HIC1: variants seen among roughly 807,000 people sequenced by gnomAD.
HIC1 encodes the protein hypermethylated in cancer 1 protein.
Under a neutral mutation model 26.4 loss-of-function variants are expected in HIC1, and 9 were observed. The ratio of observed to expected loss-of-function variants is 0.34; its 90% CI spans 0.21 to 0.59. The LOEUF is 0.59. Among genes scored for constraint, HIC1 ranks in the 20% least tolerant of loss-of-function variants. HIC1 has a pLI of 0.82. For missense variants in HIC1, 965 were observed against 1,075.7 expected (o/e 0.90, Z 1.44); for synonymous variants, 631 against 523.1 (o/e 1.21, Z -2.81).
In HIC1 at chr17:2,058,627, A is replaced by G. The variant is rs1293622520; in HGVS notation, c.1937A>G (p.Gln646Arg). The G allele has an allele frequency of 6.4e-7, 1 of 1,564,702 alleles. No individual in the cohort carries two copies. The highest frequency in any genetic ancestry group is 2.4e-5 in the East Asian group (1 of 41,266). The change falls in exon 2 of 2, where the codon CAG becomes CGG. Residue 646 changes from glutamine (Q) to arginine (R), a missense_variant. Around this residue, in one of 6 missense-constraint regions of HIC1, gnomAD observed 210 missense variants for 179.2 expected, o/e 1.17. Coordinates refer to ENST00000619757, the MANE Select transcript of HIC1 (RefSeq NM_006497.4). ...GCCGAGCAGCTGAGCCTGAAGCAGCAGGACAAGGCGGCCGCGGCCGAGCTG... is the reference window on the plus strand; with the variant it reads ...GCCGAGCAGCTGAGCCTGAAGCAGCGGGACAAGGCGGCCGCGGCCGAGCTG... The part of the protein sequence containing the change: ...LTAEQLSLKQ[Q>R]DKAAAAELLA...
intron 1 of HIC1, chr17:2,056,418 C>T (rs1321711659): frequency 1.3e-6 from 2 of 1,512,392 alleles, no homozygotes; most frequent in Admixed American, 1.7e-5. Flanking sequence ...CAGCCAGGTG[C>T]CCTGGGGCGT....
In HIC1 at chr17:2,061,478, C is replaced by G. The variant is rs2067774922; in HGVS notation, c.*2643C>G. 4 of 1,565,554 alleles carry G rather than the reference C, an allele frequency of 2.6e-6. No individual in the cohort carries two copies. Among genetic ancestry groups the G allele is most frequent in the South Asian group, 1.2e-5 (1 of 86,190 alleles). On this transcript the variant is annotated 3_prime_UTR_variant, in exon 2 of 2. Coordinates refer to ENST00000619757, the MANE Select transcript of HIC1 (RefSeq NM_006497.4). ...GGAACGGTTCCACGGGGGGGGGGCC[C>G]CAGTGTGGCTCCCTCAGCCCACCTG...
In HIC1 at chr17:2,055,478, C is replaced by T. The variant is rs2067663168; in HGVS notation, c.-21+240C>T. Among the ~76,000 whole-genome samples the T allele has an allele frequency of 6.6e-6, 1 of 150,842 alleles. No individual in the cohort carries two copies. Among genetic ancestry groups the T allele is most frequent in the Admixed American group, 6.6e-5 (1 of 15,216 alleles). On this transcript the variant is annotated intron_variant, in intron 1 of 1. Transcript: ENST00000619757. The surrounding 1 kb of genome is among the most constrained non-coding windows in gnomAD (Gnocchi z 6.4). ...TCTGCCCGCACATGGGCTGGAGAGG[C>T]GAGGGGAAGGGAAGGGAAGGGGAGC...
In HIC1 at chr17:2,055,939, A is replaced by G. The variant is rs1224873433; in HGVS notation, c.-21+701A>G. ...CGCGGGTGGGGCGCAGGCCCGGGTC[A>G]GGGCCGCAGCCGGCTGTGCGCCGTG... is the stretch of plus-strand genomic sequence containing the variant. On this transcript the variant is annotated intron_variant, in intron 1 of 1. Transcript: ENST00000619757. This position sits in a 1 kb window ranked among gnomAD's most constrained non-coding sequence, Gnocchi z 6.4. Among the ~76,000 whole-genome samples the G allele has an allele frequency of 6.7e-6, 1 of 149,530 alleles. No individual in the cohort carries two copies. The highest frequency in any genetic ancestry group is 6.6e-5 in the Admixed American group (1 of 15,082).
In HIC1 at chr17:2,061,473, G is replaced by GGT; in HGVS notation, c.*2639_*2640insTG. 6.4e-7 allele frequency: 1 copy of GGT among 1,565,922 alleles called. No individual in the cohort carries two copies. ...TTTCAGGAACGGTTCCACGGGGGGG[G>GGT]GGCCCCAGTGTGGCTCCCTCAGCCC... On this transcript the variant is annotated 3_prime_UTR_variant, in exon 2 of 2. Transcript: ENST00000619757.
rs1285776132 is a variant in HIC1, at chr17:2,057,757, C to A, written c.1067C>A (p.Ala356Glu). 2.8e-6 allele frequency: 4 copies of A among 1,409,820 alleles called. No individual in the cohort carries two copies. In the South Asian group the frequency reaches 4.6e-5, roughly 16 times the overall value. 87.3% of individuals were successfully genotyped at this position (1,409,820 alleles called of 1,614,324 possible). The change falls in exon 2 of 2, where the codon GCG becomes GAG. Residue 356 changes from alanine (A) to glutamate (E), a missense_variant. Coordinates refer to ENST00000619757, the MANE Select transcript of HIC1 (RefSeq NM_006497.4). ...VSPGGPPLGL[A>E]PPPRYPGSLD... ...CCCGGGGGGCCCCCGCTCGGCCTGG[C>A]GCCGCCGCCGCGCTACCCTGGCAGC...
In HIC1 at chr17:2,061,439, C is replaced by CT. The variant is rs2067770904; in HGVS notation, c.*2605dup. Reference sequence around the variant, plus strand: ...GCATCTTCCGTGCTACACTGGGCGCCTGGTGGCCTTTCAGGAACGGTTCCA... The same window carrying CT: ...GCATCTTCCGTGCTACACTGGGCGCCTTGGTGGCCTTTCAGGAACGGTTCCA... On this transcript the variant is annotated 3_prime_UTR_variant, in exon 2 of 2. Coordinates refer to ENST00000619757, the MANE Select transcript of HIC1 (RefSeq NM_006497.4). 6.6e-7 allele frequency: 1 copy of CT among 1,514,626 alleles called. No individual in the cohort carries two copies. Among genetic ancestry groups the CT allele is most frequent in the African/African-American group, 1.4e-5 (1 of 70,948 alleles). 93.8% of individuals were successfully genotyped at this position (1,514,626 alleles called of 1,614,324 possible).
chr17:2,061,785 G>C lies in HIC1; in HGVS notation c.*2950G>C. On this transcript the variant is annotated 3_prime_UTR_variant, in exon 2 of 2. Transcript: ENST00000619757. ...CTCCGTCCGGGCTCTCAGCCCCGGG[G>C]ACCCTCCCCTGCTGGCCTAGAGAGG... 1 of 796,420 alleles carries C rather than the reference G, an allele frequency of 1.3e-6. No individual in the cohort carries two copies. Among genetic ancestry groups the C allele is most frequent in the Non-Finnish European group, 2.0e-6 (1 of 506,532 alleles). The allele number at this position is 796,420 out of a possible 1,614,324, so 49.3% of individuals were successfully genotyped here.
chr17:2,060,320 CCT>C lies in HIC1; in HGVS notation c.*1486_*1487del, dbSNP rs1439622390. The C allele has an allele frequency of 1.3e-5, 2 of 152,262 alleles. No homozygotes were observed. Among genetic ancestry groups the C allele is most frequent in the South Asian group, 2.1e-4 (1 of 4,830 alleles). The allele number at this position is 152,262 out of a possible 1,614,324, so 9.4% of individuals were successfully genotyped here. A position where few individuals can be genotyped will look rare whatever the true frequency, so the allele number is the denominator to read the frequency against. ...CAGCTAAAGGGGCAAGGAAAGGGCC[CCT>C]GTGTCAGTGTCAGTTTTTCCGGGGA... is the stretch of plus-strand genomic sequence containing the variant. On this transcript the variant is annotated 3_prime_UTR_variant, in exon 2 of 2. Transcript: ENST00000619757.
At position 2,056,798 on chromosome 17, in the gene HIC1, C is replaced by T. The variant is rs1166675422; in HGVS notation, c.108C>T (p.Asn36=). ...FLCDVIIVVQ[N]ALFRAHKNVL... ...GCGACGTGATCATCGTGGTGCAGAA[C>T]GCCCTCTTCCGCGCGCACAAGAACG... Residue 36 remains asparagine, a synonymous_variant, in exon 2 of 2, where the codon AAC becomes AAT. Transcript: ENST00000619757. The T allele has an allele frequency of 6.2e-7, 1 of 1,612,798 alleles. No individual in the cohort carries two copies. The highest frequency in any genetic ancestry group is 2.2e-5 in the East Asian group (1 of 44,876).
In HIC1 at chr17:2,060,830, C is replaced by T. The variant is rs2067752713; in HGVS notation, c.*1995C>T. The T allele has an allele frequency of 6.5e-6, 1 of 152,858 alleles. No homozygotes were observed. The highest frequency in any genetic ancestry group is 1.5e-5 in the Non-Finnish European group (1 of 68,634). 9.5% of individuals were successfully genotyped at this position (152,858 alleles called of 1,614,324 possible). On this transcript the variant is annotated 3_prime_UTR_variant, in exon 2 of 2. Transcript: ENST00000619757. ...GACGCAACTGGCGAAGTGTGAGGGACCCAGGTTGATAAGGGCAGGAAGAGG... is the reference window on the plus strand; with the variant it reads ...GACGCAACTGGCGAAGTGTGAGGGATCCAGGTTGATAAGGGCAGGAAGAGG...
chr17:2,056,147 C>T (rs1263849934), intron 1 of HIC1: 11 of 449,218 alleles, frequency 2.4e-5, no homozygotes, highest in Non-Finnish European at 3.1e-5. Flanking sequence ...CCGCCCGGGC[C>T]CCGACCGAGG....
Position 2,061,876 on chromosome 17 carries a change from A to C in HIC1, c.*3041A>C. The C allele has an allele frequency of 2.3e-6, 1 of 440,604 alleles. No homozygotes were observed. The highest frequency in any genetic ancestry group is 4.2e-6 in the Non-Finnish European group (1 of 237,000). The allele number at this position is 440,604 out of a possible 1,614,324, so 27.3% of individuals were successfully genotyped here. A position where few individuals can be genotyped will look rare whatever the true frequency, so the allele number is the denominator to read the frequency against. ...GGACTCTCTTCTGCCTAGTTCCCAA[A>C]AGCTGCCCAAACCCGTCAGCCTCCC... is the stretch of plus-strand genomic sequence containing the variant. On this transcript the variant is annotated 3_prime_UTR_variant, in exon 2 of 2. Coordinates refer to ENST00000619757, the MANE Select transcript of HIC1 (RefSeq NM_006497.4).
chr17:2,057,579 C>G lies in HIC1; in HGVS notation c.889C>G (p.Pro297Ala). 6.6e-7 allele frequency: 1 copy of G among 1,504,776 alleles called. No individual in the cohort carries two copies. The highest frequency in any genetic ancestry group is 1.4e-5 in the African/African-American group (1 of 69,378). 93.2% of individuals were successfully genotyped at this position (1,504,776 alleles called of 1,614,324 possible). A position where few individuals can be genotyped will look rare whatever the true frequency, so the allele number is the denominator to read the frequency against. Residue 297 changes from proline (P) to alanine (A), a missense_variant, in exon 2 of 2, where the codon CCC (proline) becomes GCC (alanine). Physicochemically the swap from Pro to Ala is conservative, Grantham distance 27 (BLOSUM62 -1). Coordinates refer to ENST00000619757, the MANE Select transcript of HIC1 (RefSeq NM_006497.4). The part of the protein sequence containing the change: ...PFRGGSGSPG[P>A]EPPGRPDGPS... ...TCGCGGCGGCAGCGGCAGCCCGGGA[C>G]CCGAGCCCCCCGGCCGCCCCGACGG...
chr17:2,056,613 G>T, intron 1 of HIC1, 58 bp from the exon 2 acceptor site: 1 of 1,470,198 alleles, frequency 6.8e-7, no homozygotes, highest in Non-Finnish European at 9.0e-7. Context: ...GTGCCGGGCT[G>T]GGGCCAGGCG....
In HIC1 at chr17:2,058,241, A is replaced by G. The variant is rs75796056; in HGVS notation, c.1551A>G (p.Pro517=). 3.6e-3 allele frequency: 5,854 copies of G among 1,611,750 alleles called. 165 individuals carry two copies. The African/African-American group carries it at 0.065, about 18-fold the overall frequency. Residue 517 remains proline, a synonymous_variant, in exon 2 of 2, where the codon CCA becomes CCG. Transcript: ENST00000619757. ...EKTHWLTRPY[P]CTICGKKFTQ... is the part of the protein sequence containing the mutation. ...CGCACTGGCTGACCCGGCCCTACCCATGCACCATCTGCGGGAAGAAGTTCA... is the reference window on the plus strand; with the variant it reads ...CGCACTGGCTGACCCGGCCCTACCCGTGCACCATCTGCGGGAAGAAGTTCA...
chr17:2,056,528 C>G lies in HIC1; in HGVS notation c.-20-143C>G, dbSNP rs9901806. 6 of 1,341,116 alleles carry G rather than the reference C, an allele frequency of 4.5e-6. No individual in the cohort carries two copies. In the African/African-American group the frequency reaches 5.8e-5, roughly 13 times the overall value. 83.1% of individuals were successfully genotyped at this position (1,341,116 alleles called of 1,614,324 possible). A position where few individuals can be genotyped will look rare whatever the true frequency, so the allele number is the denominator to read the frequency against. ...CTGGGCTCCCACTCCAGAGGGCAGCCGGTCCTTCGCCGGTGCCCAGGCCGC... is the reference window on the plus strand; with the variant it reads ...CTGGGCTCCCACTCCAGAGGGCAGCGGGTCCTTCGCCGGTGCCCAGGCCGC... On this transcript the variant is annotated intron_variant, in intron 1 of 1. Coordinates refer to ENST00000619757, the MANE Select transcript of HIC1 (RefSeq NM_006497.4).
chr17:2,057,023 G>C lies in HIC1; in HGVS notation c.333G>C (p.Leu111=). ...CTGAGCCGAGCCTGGGCGCCGTGCTGGCCGCCGCCAGCTACCTGCAGATCC... is the reference window on the plus strand; with the variant it reads ...CTGAGCCGAGCCTGGGCGCCGTGCTCGCCGCCGCCAGCTACCTGCAGATCC... The part of the protein sequence containing the change: ...PGAEPSLGAV[L]AAASYLQIPD... Residue 111 remains leucine, a synonymous_variant, in exon 2 of 2, where the codon CTG becomes CTC. Coordinates refer to ENST00000619757, the MANE Select transcript of HIC1 (RefSeq NM_006497.4). 6.7e-7 allele frequency: 1 copy of C among 1,488,910 alleles called. No individual in the cohort carries two copies. The highest frequency in any genetic ancestry group is 8.9e-7 in the Non-Finnish European group (1 of 1,124,084). 92.2% of individuals were successfully genotyped at this position (1,488,910 alleles called of 1,614,324 possible). A position where few individuals can be genotyped will look rare whatever the true frequency, so the allele number is the denominator to read the frequency against.
At position 2,061,463 on chromosome 17, in the gene HIC1, C is replaced by T. The variant is rs762549957; in HGVS notation, c.*2628C>T. On this transcript the variant is annotated 3_prime_UTR_variant, in exon 2 of 2. Coordinates refer to ENST00000619757, the MANE Select transcript of HIC1 (RefSeq NM_006497.4). Reference sequence around the variant, plus strand: ...CCTGGTGGCCTTTCAGGAACGGTTCCACGGGGGGGGGGCCCCAGTGTGGCT... The same window carrying T: ...CCTGGTGGCCTTTCAGGAACGGTTCTACGGGGGGGGGGCCCCAGTGTGGCT... The T allele has an allele frequency of 7.0e-7, 1 of 1,438,780 alleles. No homozygotes were observed. Among genetic ancestry groups the T allele is most frequent in the Non-Finnish European group, 9.1e-7 (1 of 1,094,488 alleles). 89.1% of individuals were successfully genotyped at this position (1,438,780 alleles called of 1,614,324 possible).
Sources: gnomAD v4.1 joint callset for allele counts (sites outside exome capture counted in the v4.1 genomes callset) on GRCh38, gnomAD v4.1.1 for gene constraint, gnomAD v4.1.1 regional missense constraint, Gnocchi (gnomAD v3.1) non-coding constraint, MANE v1.5 for transcripts, NCBI Gene and HGNC (gene_info 2026-07-23, HGNC 2026-07-21) for gene names.